The following AGBL1 variants were observed in gnomAD, a reference collection of about 807,000 sequenced individuals.
AGBL1 encodes the protein cytosolic carboxypeptidase 4.
A neutral mutation model predicts 118.9 loss-of-function variants in AGBL1; 130 were observed. The ratio of observed to expected loss-of-function variants is 1.09; its 90% CI spans 0.95 to 1.26. The LOEUF (loss-of-function observed/expected upper bound fraction) is 1.26, where lower values mean the gene tolerates loss of function less well. Among genes scored for constraint, AGBL1 ranks in the 50% most tolerant of loss-of-function variants. AGBL1 has a pLI of 0.00. For missense variants in AGBL1, 1,584 were observed against 1,298.1 expected, an observed-to-expected ratio of 1.22 and a Z score of -3.38; for synonymous variants, 555 against 478.9, an observed-to-expected ratio of 1.16 and a Z score of -2.08.
At chr15:86,415,016 G>A (rs371862945) in intron 18 of AGBL1, among the ~76,000 whole-genome samples, 5 of 152,156 alleles carry the variant, frequency 3.3e-5, no homozygotes, top group Admixed American at 6.5e-5. Flanking sequence ...CTATGAGAGC[G>A]TAAGGGAAGC....
chr15:86,687,504 C>T (rs2086081159), intron 22 of AGBL1, among the ~76,000 whole-genome samples: 1 of 152,066 alleles, frequency 6.6e-6, no homozygotes, highest in Admixed American at 6.6e-5. Context: ...AACCTGAAAC[C>T]TTGGAGAATC....
intron 21 of AGBL1, among the ~76,000 whole-genome samples, chr15:86,560,395 T>C (rs1218118161): frequency 1.3e-5 from 2 of 151,656 alleles, no homozygotes; most frequent in Admixed American, 6.6e-5. Flanking sequence ...TGGTGTTTGG[T>C]TTTTTGTCCC....
At chr15:86,242,485 G>A (rs190685657) in intron 6 of AGBL1, among the ~76,000 whole-genome samples, 32 of 152,272 alleles carry the variant, frequency 2.1e-4, no homozygotes, top group African/African-American at 5.5e-4. Context: ...GCTCAAAGTC[G>A]CACAGCTAGA....
chr15:86,215,121 T>C (rs2078163318), intron 5 of AGBL1, among the ~76,000 whole-genome samples: 1 of 152,148 alleles, frequency 6.6e-6, no homozygotes, highest in African/African-American at 2.4e-5. Context: ...TTTCTGTTTC[T>C]GTTTTCTCCT....
At position 86,244,063 on chromosome 15, in the gene AGBL1, G is replaced by A. The variant is rs28522473; in HGVS notation, c.527-3608G>A. Among the ~76,000 whole-genome samples, 319 of 143,886 alleles carry A rather than the reference G, an allele frequency of 2.2e-3. 1 individual carries two copies. The highest frequency in any genetic ancestry group is 7.5e-3 in the African/African-American group (284 of 38,044). The allele number at this position is 143,886 out of a possible 152,430, so 94.4% of individuals were successfully genotyped here. ...GATAGATAGATAGATAGATAAATAAGTAAATAAATAAATAAATAAATAAAT... is the reference window on the plus strand; with the variant it reads ...GATAGATAGATAGATAGATAAATAAATAAATAAATAAATAAATAAATAAAT... On this transcript the variant is annotated intron_variant, in intron 6 of 22. Coordinates refer to ENST00000614907, the MANE Select transcript of AGBL1 (RefSeq NM_001386094.1).
chr15:86,837,613 C>T (rs1037503494), intron 22 of AGBL1, among the ~76,000 whole-genome samples: 1 of 152,108 alleles, frequency 6.6e-6, no homozygotes, highest in Non-Finnish European at 1.5e-5. Flanking sequence ...TGATATACAG[C>T]AATATGTACT....
chr15:86,668,259 G>C (rs1458293074), intron 21 of AGBL1, among the ~76,000 whole-genome samples: 2 of 152,128 alleles, frequency 1.3e-5, no homozygotes, highest in African/African-American at 4.8e-5. Context: ...TGAGATATTG[G>C]AAAACTTCTT....
At chr15:86,401,037 AC>A (rs1393750738) in intron 18 of AGBL1, among the ~76,000 whole-genome samples, 3 of 152,142 alleles carry the variant, frequency 2.0e-5, no homozygotes, top group Non-Finnish European at 4.4e-5. Flanking sequence ...GAATCTCCAT[AC>A]TGTTCTTCAT....
At chr15:86,674,571 G>T (rs1270144265) in intron 22 of AGBL1, 135 bp downstream of exon 22, 4 of 892,834 alleles carry the variant, frequency 4.5e-6, no homozygotes, top group Non-Finnish European at 6.5e-6. Context: ...GTAAAGGTAG[G>T]TACACTATCT....
intron 24 of AGBL1, among the ~76,000 whole-genome samples, chr15:87,015,366 ATCTATCTATCTATCTAGTCTG>A (rs1413011007): frequency 6.6e-6 from 1 of 151,902 alleles, no homozygotes; most frequent in Non-Finnish European, 1.5e-5. Context: ...CTGTCTGTCT[ATCTATCTATCTATCTAGTCTG>A]TCTATCTATC....
intron 18 of AGBL1, among the ~76,000 whole-genome samples, chr15:86,443,831 T>C (rs2082091487): frequency 6.6e-6 from 1 of 151,378 alleles, no homozygotes; most frequent in Admixed American, 6.6e-5. Flanking sequence ...TAGGCCACAT[T>C]TTCTTTATCC....
intron 24 of AGBL1, among the ~76,000 whole-genome samples, chr15:87,004,295 C>CTT (rs2081473486): frequency 6.6e-6 from 1 of 152,024 alleles, no homozygotes; most frequent in Non-Finnish European, 1.5e-5. Flanking sequence ...GGGTGTTAGA[C>CTT]TCCCACACAA....
At position 86,513,284 on chromosome 15, in the gene AGBL1, G is replaced by A. The variant is rs2083074713; in HGVS notation, c.2556-9526G>A. Among the ~76,000 whole-genome samples, 3 of 151,742 alleles carry A rather than the reference G, an allele frequency of 2.0e-5. No homozygotes were observed. The South Asian group carries it at 6.2e-4, about 31-fold the overall frequency. ...CTTGACTTTTTTGAAGAGTACTGGT[G>A]AGTTATATATAGAATATCCCTTGAA... is the stretch of plus-strand genomic sequence containing the variant. On this transcript the variant is annotated intron_variant, in intron 18 of 22. Transcript: ENST00000614907.
At chr15:86,365,044 C>CAT (rs2080867175) in intron 17 of AGBL1, among the ~76,000 whole-genome samples, 1 of 139,442 alleles carries the variant, frequency 7.2e-6, no homozygotes, top group Non-Finnish European at 1.5e-5. Flanking sequence ...CATATATATA[C>CAT]ACACATATAT....
intron 22 of AGBL1, among the ~76,000 whole-genome samples, chr15:86,744,343 T>C (rs1372565958): frequency 6.6e-6 from 1 of 152,150 alleles, no homozygotes; most frequent in Non-Finnish European, 1.5e-5. Context: ...CCTTTATTGT[T>C]TGTCCCGGCC....
At chr15:86,327,610 GT>G (rs1372650625) in intron 17 of AGBL1, among the ~76,000 whole-genome samples, 1 of 152,192 alleles carries the variant, frequency 6.6e-6, no homozygotes, top group Non-Finnish European at 1.5e-5. Context: ...GTTTGTTTAT[GT>G]TTTCATTGAG....
chr15:86,293,935 ATTTTTGGGCAGTGGTG>A, intron 16 of AGBL1, among the ~76,000 whole-genome samples: 1 of 152,064 alleles, frequency 6.6e-6, no homozygotes, highest in Non-Finnish European at 1.5e-5. Context: ...TGGGAGGATA[ATTTTTGGGCAGTGGTG>A]TTTTTGTGCT....
chr15:86,100,098 T>C (rs1005160907), intron 1 of AGBL1, among the ~76,000 whole-genome samples: 1 of 152,208 alleles, frequency 6.6e-6, no homozygotes, highest in Non-Finnish European at 1.5e-5. Context: ...GATTGTCAGA[T>C]GGCTTTTATC....
At chr15:86,867,007 T>G (rs1158742036) in intron 22 of AGBL1, among the ~76,000 whole-genome samples, 1 of 152,104 alleles carries the variant, frequency 6.6e-6, no homozygotes, top group Non-Finnish European at 1.5e-5. Context: ...AGGGCATGAG[T>G]TGAGATGGTG....
Sources: gnomAD v4.1 joint callset for allele counts (sites outside exome capture counted in the v4.1 genomes callset) on GRCh38, gnomAD v4.1.1 for gene constraint, MANE v1.5 for transcripts, NCBI Gene and HGNC (gene_info 2026-07-23, HGNC 2026-07-21) for gene names.